PLXNC1: variants seen among roughly 807,000 people sequenced by gnomAD.
PLXNC1 encodes plexin C1.
A neutral mutation model predicts 178.2 loss-of-function variants in PLXNC1; 75 were observed. The ratio of observed to expected loss-of-function variants is 0.42; its 90% confidence interval spans 0.35 to 0.51. The LOEUF (loss-of-function observed/expected upper bound fraction) is 0.51, where lower values mean the gene tolerates loss of function less well. Ranked by LOEUF, PLXNC1 falls within the 20% of genes least tolerant of loss-of-function variation. The pLI, the probability that PLXNC1 is intolerant of heterozygous loss-of-function variation, is 0.02. For synonymous variants in PLXNC1, 790 were observed against 779.9 expected, an observed-to-expected ratio of 1.01 and a Z score of -0.22; for missense variants, 1,503 against 1,984.4, an observed-to-expected ratio of 0.76 and a Z score of 4.61.
intron 23 of PLXNC1, among the ~76,000 whole-genome samples, chr12:94,290,922 CTGCCTCCTTCT>C (rs1340345910): frequency 6.6e-6 from 1 of 152,164 alleles, no homozygotes; most frequent in Non-Finnish European, 1.5e-5. Flanking sequence ...GATCTCTGAC[CTGCCTCCTTCT>C]TGCCACCCGT....
intron 26 of PLXNC1, 28 bp from the exon 27 acceptor site, chr12:94,298,604 C>T: frequency 6.4e-7 from 1 of 1,557,546 alleles, no homozygotes; most frequent in Non-Finnish European, 8.7e-7. Flanking sequence ...TTTTTAATCT[C>T]CCAAATCTGA....
intron 21 of PLXNC1, among the ~76,000 whole-genome samples, chr12:94,267,069 G>A (rs977769870): frequency 6.6e-6 from 1 of 152,220 alleles, no homozygotes; most frequent in Non-Finnish European, 1.5e-5. Flanking sequence ...CTCACCTTTC[G>A]CTGATCCTGG....
intron 23 of PLXNC1, among the ~76,000 whole-genome samples, chr12:94,292,905 C>T (rs564091141): frequency 6.2e-4 from 94 of 152,180 alleles, no homozygotes; most frequent in Admixed American, 1.6e-3. Context: ...AAATTATAAG[C>T]GTACTGCTGG....
At chr12:94,247,823 G>A (rs1964572904) in intron 12 of PLXNC1, 80 bp from the exon 13 acceptor site, 2 of 1,265,052 alleles carry the variant, frequency 1.6e-6, no homozygotes, top group Non-Finnish European at 2.3e-6. Flanking sequence ...AAGTTAAGTT[G>A]CTCAGGTCAC....
chr12:94,279,401 G>C, intron 21 of PLXNC1, 71 bp from the exon 22 acceptor site: 1 of 1,384,904 alleles, frequency 7.2e-7, no homozygotes, highest in Non-Finnish European at 1.0e-6. Flanking sequence ...GCTAAGGTTT[G>C]TGTCTTTTAT....
At chr12:94,185,404 G>T (rs1962473016) in intron 3 of PLXNC1, among the ~76,000 whole-genome samples, 1 of 152,132 alleles carries the variant, frequency 6.6e-6, no homozygotes, top group Non-Finnish European at 1.5e-5. Flanking sequence ...CAACTTCCTG[G>T]CATAATGAGT....
chr12:94,266,320 G>T (rs997853175), intron 21 of PLXNC1, among the ~76,000 whole-genome samples: 1 of 152,222 alleles, frequency 6.6e-6, no homozygotes, highest in African/African-American at 2.4e-5. Flanking sequence ...ACCATGCACA[G>T]CTGCCATCCG....
chr12:94,181,446 G>A lies in PLXNC1; in HGVS notation c.1204G>A (p.Val402Ile). 6.6e-7 allele frequency: 1 copy of A among 1,512,888 alleles called. No homozygotes were observed. Among genetic ancestry groups the A allele is most frequent in the Non-Finnish European group, 9.0e-7 (1 of 1,108,228 alleles). The allele number at this position is 1,512,888 out of a possible 1,614,324, so 93.7% of individuals were successfully genotyped here. Reference protein sequence around the residue: ...LGTGDGQLLKVILGENLTSNC... With the variant: ...LGTGDGQLLKIILGENLTSNC... ...TTCTCTTTTTGAAAAAAAAAAATAG[G>A]TTATTCTTGGTGAGAATTTGACTTC... The change falls in exon 3 of 31, where the codon GTT (valine) becomes ATT (isoleucine). Residue 402 changes from valine to isoleucine, a missense_variant and splice_region_variant. This residue lies in a region of PLXNC1 where 615 missense variants were observed against 698.6 expected (regional missense o/e 0.88). Coordinates refer to ENST00000258526, the MANE Select transcript of PLXNC1 (RefSeq NM_005761.3).
At chr12:94,174,293 T>G (rs567122485) in intron 2 of PLXNC1, among the ~76,000 whole-genome samples, 10 of 152,190 alleles carry the variant, frequency 6.6e-5, no homozygotes, top group African/African-American at 2.4e-4. Flanking sequence ...TAAGCGATCC[T>G]CCCACCTCAG....
chr12:94,167,237 T>C (rs1023202901), intron 1 of PLXNC1, among the ~76,000 whole-genome samples: 1 of 152,240 alleles, frequency 6.6e-6, no homozygotes, highest in Admixed American at 6.5e-5. Context: ...CCCATGGTTC[T>C]TGGTGAATTA....
intron 17 of PLXNC1, 129 bp downstream of exon 17, chr12:94,255,425 A>C (rs1262002696): frequency 2.9e-6 from 2 of 687,544 alleles, no homozygotes; most frequent in Non-Finnish European, 5.3e-6. Context: ...ATAATGGCTT[A>C]AGTTTGAGCA....
intron 17 of PLXNC1, 118 bp from the exon 18 acceptor site, chr12:94,259,219 C>T (rs1283776332): frequency 4.2e-6 from 3 of 719,942 alleles, no homozygotes; most frequent in Non-Finnish European, 7.1e-6. Flanking sequence ...CCCAGGGGCG[C>T]TTCAGATTAG....
At chr12:94,252,985 G>A (rs966489729) in intron 15 of PLXNC1, among the ~76,000 whole-genome samples, 2 of 152,136 alleles carry the variant, frequency 1.3e-5, no homozygotes, top group Non-Finnish European at 2.9e-5. Context: ...GGCTGAGGCG[G>A]GTGGATCACG....
chr12:94,160,521 C>G (rs1961343140), intron 1 of PLXNC1, among the ~76,000 whole-genome samples: 1 of 152,164 alleles, frequency 6.6e-6, no homozygotes, highest in African/African-American at 2.4e-5. Flanking sequence ...GATCATCGCC[C>G]CTTGGTCTTC....
rs372095126 is a variant in PLXNC1, at chr12:94,264,848, A to T, written c.3451-231A>T. On this transcript the variant is annotated intron_variant, in intron 20 of 30. Transcript: ENST00000258526. ...CTGTGGGTACTGCACGTCGCTGTGA[A>T]TGTGCACGCGTGCGCGTGTGCAGAT... is the stretch of plus-strand genomic sequence containing the variant. 5.3e-5 allele frequency among the ~76,000 whole-genome samples: 8 copies of T among 152,356 alleles called. No individual in the cohort carries two copies. In the East Asian group the frequency reaches 1.2e-3, roughly 22 times the overall value.
chr12:94,248,076 G>A lies in PLXNC1; in HGVS notation c.2562G>A (p.Glu854=). The stretch of plus-strand genomic sequence containing the variant: ...TCACGGGGTATCGGGTGGAATCCGA[G>A]GTGGACACAGAACTGGAAGTGAAAA... ...PRFTGYRVES[E]VDTELEVKIQ... Residue 854 remains glutamate (E), a synonymous_variant, in exon 13 of 31, where the codon GAG becomes GAA. Coordinates refer to ENST00000258526, the MANE Select transcript of PLXNC1 (RefSeq NM_005761.3). 6.2e-7 allele frequency: 1 copy of A among 1,614,100 alleles called. No individual in the cohort carries two copies. The highest frequency in any genetic ancestry group is 8.5e-7 in the Non-Finnish European group (1 of 1,180,012).
rs556523723 is a variant in PLXNC1 at position 94,167,009 on chromosome 12, C to T, written c.1063-2144C>T. Among the ~76,000 whole-genome samples, 69 of 152,216 alleles carry T rather than the reference C, an allele frequency of 4.5e-4. 1 individual carries two copies. The highest frequency in any genetic ancestry group is 1.6e-3 in the African/African-American group (67 of 41,534). On this transcript the variant is annotated intron_variant, in intron 1 of 30. Coordinates refer to ENST00000258526, the MANE Select transcript of PLXNC1 (RefSeq NM_005761.3). ...CCAACTCTTGGCCTCAAGCGATCCT[C>T]TCGCCTCAGTTACCTATACTACTGA...
intron 21 of PLXNC1, among the ~76,000 whole-genome samples, chr12:94,271,618 T>G (rs1225688477): frequency 1.3e-5 from 2 of 152,238 alleles, no homozygotes; most frequent in Non-Finnish European, 2.9e-5. Context: ...TCTCAAAACC[T>G]GTTTCCTCTT....
intron 5 of PLXNC1, among the ~76,000 whole-genome samples, chr12:94,214,486 A>C (rs1326042345): frequency 6.6e-6 from 1 of 152,248 alleles, no homozygotes; most frequent in East Asian, 1.9e-4. Flanking sequence ...CAGTAATTCA[A>C]GAAACAAGTA....
Sources: gnomAD v4.1 joint callset for allele counts (sites outside exome capture counted in the v4.1 genomes callset) on GRCh38, gnomAD v4.1.1 for gene constraint, gnomAD v4.1.1 regional missense constraint, MANE v1.5 for transcripts, NCBI Gene and HGNC (gene_info 2026-07-23, HGNC 2026-07-21) for gene names.